The following ADAM10 variants were observed in gnomAD, a reference collection of about 807,000 sequenced individuals.
ADAM10 encodes disintegrin and metalloproteinase domain-containing protein 10.
ADAM10 carries 17 observed loss-of-function variants against 90.1 expected under a neutral mutation model. The ratio of observed to expected loss-of-function variants is 0.19; its 90% CI spans 0.13 to 0.28. The LOEUF is 0.28. ADAM10 is among the 10% of genes least tolerant of loss of function. The pLI is 1.00. For synonymous variants in ADAM10, 310 were observed against 298.6 expected (o/e 1.04, Z -0.40); for missense variants, 610 against 914.3 (o/e 0.67, Z 4.29).
Position 58,597,423 on chromosome 15 carries a change from T to C in ADAM10, c.*124A>G. Reference sequence around the variant, plus strand: ...CACCTGGTCTGAGGATATGATCTCTTGCCATTTTTTCTTCAACTGTTACTT... The same window carrying C: ...CACCTGGTCTGAGGATATGATCTCTCGCCATTTTTTCTTCAACTGTTACTT... On this transcript the variant is annotated 3_prime_UTR_variant, in exon 16 of 16. Transcript: ENST00000260408. 2.6e-6 allele frequency: 4 copies of C among 1,564,278 alleles called. No homozygotes were observed. Among genetic ancestry groups the C allele is most frequent in the Non-Finnish European group, 3.5e-6 (4 of 1,153,052 alleles).
chr15:58,621,468 T>C lies in ADAM10; in HGVS notation c.1511+3A>G, dbSNP rs1895786136. 1 of 1,614,062 alleles carries C rather than the reference T, an allele frequency of 6.2e-7. No individual in the cohort carries two copies. ...GTTAACATCACTGAAATTAGCAAGG[T>C]ACCTGCACTGTTTCCCAGGTTTCAG... On this transcript the variant is annotated splice_donor_region_variant and intron_variant, in intron 11 of 15. Coordinates refer to ENST00000260408, the MANE Select transcript of ADAM10 (RefSeq NM_001110.4).
At chr15:58,675,267 C>A (rs1186224016) in intron 4 of ADAM10, among the ~76,000 whole-genome samples, 5 of 151,926 alleles carry the variant, frequency 3.3e-5, no homozygotes, top group African/African-American at 1.2e-4. Context: ...AGCAATAAAC[C>A]CAAATAAATT....
chr15:58,739,460 T>A (rs1227750497), intron 1 of ADAM10, among the ~76,000 whole-genome samples: 1 of 151,832 alleles, frequency 6.6e-6, no homozygotes, highest in African/African-American at 2.4e-5. Context: ...GAGCTGGCAG[T>A]GAGCCGAGAT....
chr15:58,748,684 A>AAG (rs1391048547), intron 1 of ADAM10: 1 of 363,350 alleles, frequency 2.8e-6, no homozygotes, highest in African/African-American at 2.1e-5. Flanking sequence ...CTTCTACTCT[A>AAG]AGAGACCCAA....
rs554029041 is a variant in ADAM10 at position 58,717,913 on chromosome 15, G to A, written c.56-186C>T. On this transcript the variant is annotated intron_variant, in intron 1 of 15. Transcript: ENST00000260408. ...ACTTATTGTGAGGGTAATTCCAACC[G>A]CACACACAAGTTTGGATGTTAGCCA... Among the ~76,000 whole-genome samples the A allele has an allele frequency of 1.7e-4, 26 of 152,110 alleles. No homozygotes were observed. The South Asian group carries it at 4.4e-3, about 26-fold the overall frequency.
At chr15:58,691,850 A>G (rs1897818387) in intron 2 of ADAM10, among the ~76,000 whole-genome samples, 1 of 151,212 alleles carries the variant, frequency 6.6e-6, no homozygotes, top group African/African-American at 2.4e-5. Context: ...TAATTTTTGT[A>G]TTTTTAGTAG....
chr15:58,694,589 A>T (rs1285953782), intron 2 of ADAM10, among the ~76,000 whole-genome samples: 1 of 152,192 alleles, frequency 6.6e-6, no homozygotes, highest in Non-Finnish European at 1.5e-5. Context: ...TCTACTCAAG[A>T]AAAAAGAAAA....
chr15:58,710,901 C>A (rs930409009), intron 2 of ADAM10, among the ~76,000 whole-genome samples: 11 of 152,172 alleles, frequency 7.2e-5, no homozygotes, highest in Admixed American at 2.6e-4. Flanking sequence ...CTACCTGACT[C>A]ATGATATAAC....
chr15:58,660,789 G>A (rs1243944075), intron 5 of ADAM10, among the ~76,000 whole-genome samples: 2 of 152,052 alleles, frequency 1.3e-5, no homozygotes, highest in Non-Finnish European at 2.9e-5. Flanking sequence ...GGAAATTCCT[G>A]CAAACTTTTT....
intron 9 of ADAM10, chr15:58,629,264 C>G (rs1363942044): frequency 6.6e-6 from 1 of 152,136 alleles, no homozygotes; most frequent in Non-Finnish European, 1.5e-5. Context: ...AGGCACTTAC[C>G]TTCTATTTTT....
chr15:58,610,673 T>A, intron 13 of ADAM10, 156 bp from the exon 14 acceptor site: 1 of 744,130 alleles, frequency 1.3e-6, no homozygotes, highest in African/African-American at 1.7e-5. Context: ...GGTAACGCCA[T>A]CAGTAATTCA....
chr15:58,656,746 C>T (rs1255797477), intron 5 of ADAM10, among the ~76,000 whole-genome samples: 20 of 152,094 alleles, frequency 1.3e-4, no homozygotes, highest in Non-Finnish European at 1.5e-5. Flanking sequence ...ATACCATAAT[C>T]ACAGATACAC....
At chr15:58,718,358 G>C (rs1898732748) in intron 1 of ADAM10, among the ~76,000 whole-genome samples, 2 of 152,166 alleles carry the variant, frequency 1.3e-5, no homozygotes, top group Non-Finnish European at 2.9e-5. Context: ...TGGTCATGTT[G>C]TCAGATTCAA....
rs1894928512 is a variant in ADAM10, at chr15:58,595,601, G to C, written c.*1946C>G. 1 of 152,122 alleles carries C rather than the reference G, an allele frequency of 6.6e-6. No homozygotes were observed. The highest frequency in any genetic ancestry group is 2.1e-4 in the South Asian group (1 of 4,832). The allele number at this position is 152,122 out of a possible 1,614,324, so 9.4% of individuals were successfully genotyped here. A position where few individuals can be genotyped will look rare whatever the true frequency, so the allele number is the denominator to read the frequency against. ...TTATATTACCACATCTTGATTCGCA[G>C]TGGAAAGAGTTCAGTGCATGTATCT... On this transcript the variant is annotated 3_prime_UTR_variant, in exon 16 of 16. Coordinates refer to ENST00000260408, the MANE Select transcript of ADAM10 (RefSeq NM_001110.4).
chr15:58,694,917 G>A (rs1595628360), intron 2 of ADAM10, among the ~76,000 whole-genome samples: 2 of 152,000 alleles, frequency 1.3e-5, no homozygotes, highest in South Asian at 2.1e-4. Flanking sequence ...AAAGTAATGA[G>A]GGAATTTTGT....
rs1219645427 is a variant in ADAM10 at position 58,717,619 on chromosome 15, T to A, written c.164A>T (p.His55Leu). The change falls in exon 2 of 16, where the codon CAT becomes CTT. Residue 55 changes from histidine to leucine, a missense_variant. His to Leu is a moderately conservative substitution (Grantham distance 99). Transcript: ENST00000260408. ...ATCTAGACGTAAAAATTGGTCTTCA[T>A]GTGAGACTGCTCTTTTGGCACGCTG... ...KHQRAKRAVS[H>L]EDQFLRLDFH... 6.2e-7 allele frequency: 1 copy of A among 1,613,984 alleles called. No individual in the cohort carries two copies. Among genetic ancestry groups the A allele is most frequent in the Non-Finnish European group, 8.5e-7 (1 of 1,179,962 alleles).
At chr15:58,716,487 A>G (rs529355949) in intron 2 of ADAM10, among the ~76,000 whole-genome samples, 128 of 152,336 alleles carry the variant, frequency 8.4e-4, no homozygotes, top group African/African-American at 2.9e-3. Flanking sequence ...GACACAGAAC[A>G]AAGTTTACAT....
At chr15:58,627,633 A>G (rs1238365537) in intron 10 of ADAM10, 67 bp downstream of exon 10, 1 of 1,427,774 alleles carries the variant, frequency 7.0e-7, no homozygotes, top group Non-Finnish European at 9.8e-7. Context: ...TAATCACTAT[A>G]GAATTCTTTC....
intron 4 of ADAM10, among the ~76,000 whole-genome samples, chr15:58,678,554 T>G (rs1897347290): frequency 6.6e-6 from 1 of 152,104 alleles, no homozygotes; most frequent in Admixed American, 6.6e-5. Flanking sequence ...GACAATAGAA[T>G]TAAAAGGTAA....
Sources: allele counts gnomAD v4.1 joint callset (sites outside exome capture counted in the v4.1 genomes callset), GRCh38; gene constraint gnomAD v4.1.1; transcripts MANE v1.5; gene names NCBI Gene and HGNC (gene_info 2026-07-23, HGNC 2026-07-21).